The following TPST1 variants were observed in gnomAD, a reference collection of about 807,000 sequenced individuals.
TPST1 encodes tyrosylprotein sulfotransferase 1, also known as protein-tyrosine sulfotransferase 1.
Under a neutral mutation model 34.8 loss-of-function variants are expected in TPST1, and 20 were observed. The ratio of observed to expected loss-of-function variants is 0.57; its 90% CI spans 0.40 to 0.84. TPST1 has a LOEUF of 0.84. TPST1 is among the 40% of genes least tolerant of loss of function. The probability of loss-of-function intolerance (pLI) is 0.00; values close to 1 mark genes in which losing one functional copy is unlikely to be tolerated. For missense variants in TPST1, 353 were observed against 455.5 expected, an observed-to-expected ratio of 0.78 and a Z score of 2.05; for synonymous variants, 152 against 159.4, an observed-to-expected ratio of 0.95 and a Z score of 0.35.
At chr7:66,231,843 C>A (rs1789803251) in intron 1 of TPST1, among the ~76,000 whole-genome samples, 1 of 152,252 alleles carries the variant, frequency 6.6e-6, no homozygotes. Context: ...GGAGCCCAGG[C>A]AGAGGAGGCG....
chr7:66,222,506 T>C (rs1789565424), intron 1 of TPST1, among the ~76,000 whole-genome samples: 1 of 152,136 alleles, frequency 6.6e-6, no homozygotes, highest in African/African-American at 2.4e-5. Flanking sequence ...TCTAGTGAGG[T>C]AAACTAACCA....
intron 3 of TPST1, among the ~76,000 whole-genome samples, chr7:66,308,029 AACCATCTGCTGCTG>A (rs1262251097): frequency 6.6e-6 from 1 of 152,216 alleles, no homozygotes; most frequent in Non-Finnish European, 1.5e-5. Context: ...TTTCCAGTCA[AACCATCTGCTGCTG>A]ACCACAAATC....
At chr7:66,214,662 T>A (rs979924776) in intron 1 of TPST1, among the ~76,000 whole-genome samples, 12 of 150,370 alleles carry the variant, frequency 8.0e-5, no homozygotes, top group Non-Finnish European at 1.8e-4. Context: ...TAAAAAAATA[T>A]GAAAATTAGC....
At chr7:66,335,448 G>A (rs113778939) in intron 3 of TPST1, among the ~76,000 whole-genome samples, 47 of 150,534 alleles carry the variant, frequency 3.1e-4, no homozygotes, top group African/African-American at 1.1e-3. Flanking sequence ...GAGCAAAACT[G>A]TGTCTCAAAA....
intron 2 of TPST1, among the ~76,000 whole-genome samples, chr7:66,280,471 A>T (rs2115885962): frequency 6.6e-6 from 1 of 152,342 alleles, no homozygotes; most frequent in African/African-American, 2.4e-5. Flanking sequence ...ATGATTTTGT[A>T]TCCTGAAACT....
chr7:66,334,036 G>A (rs1410802916), intron 3 of TPST1, among the ~76,000 whole-genome samples: 1 of 152,174 alleles, frequency 6.6e-6, no homozygotes, highest in African/African-American at 2.4e-5. Flanking sequence ...AAAGCAAAGG[G>A]ACAAGAAGCA....
chr7:66,335,369 C>T (rs1334088453), intron 3 of TPST1, among the ~76,000 whole-genome samples: 2 of 151,594 alleles, frequency 1.3e-5, no homozygotes, highest in Admixed American at 6.6e-5. Context: ...AGCAAAGAGT[C>T]GCTTGAGCCT....
At chr7:66,339,886 A>T (rs896650852) in intron 3 of TPST1, among the ~76,000 whole-genome samples, 16 of 151,654 alleles carry the variant, frequency 1.1e-4, no homozygotes, top group Non-Finnish European at 1.5e-4. Flanking sequence ...CGAGGGATGC[A>T]AGGATGATTC....
chr7:66,355,868 G>A (rs1297740458), intron 4 of TPST1, among the ~76,000 whole-genome samples: 1 of 140,922 alleles, frequency 7.1e-6, no homozygotes, highest in Non-Finnish European at 1.5e-5. Context: ...TTGCGCCACT[G>A]CATTCCAACC....
At chr7:66,237,500 A>G (rs1361365277) in intron 1 of TPST1, among the ~76,000 whole-genome samples, 1 of 152,092 alleles carries the variant, frequency 6.6e-6, no homozygotes, top group Non-Finnish European at 1.5e-5. Flanking sequence ...CCCTCTCAGA[A>G]TGTATTTTTT....
At chr7:66,216,056 G>A (rs753907835) in intron 1 of TPST1, among the ~76,000 whole-genome samples, 5 of 152,142 alleles carry the variant, frequency 3.3e-5, no homozygotes, top group Non-Finnish European at 5.9e-5. Context: ...GAGCCACCGC[G>A]CCCGGCCAAT....
chr7:66,356,450 A>T (rs1483280914), intron 4 of TPST1, among the ~76,000 whole-genome samples: 2 of 152,114 alleles, frequency 1.3e-5, no homozygotes. Flanking sequence ...ATGTGTTAGA[A>T]CTCAATCTCC....
chr7:66,302,094 T>C (rs1362176388), intron 3 of TPST1, among the ~76,000 whole-genome samples: 1 of 152,244 alleles, frequency 6.6e-6, no homozygotes, highest in African/African-American at 2.4e-5. Context: ...GTAATACTTT[T>C]TGTTTTATTT....
At chr7:66,306,815 C>G (rs1008079181) in intron 3 of TPST1, among the ~76,000 whole-genome samples, 1 of 152,118 alleles carries the variant, frequency 6.6e-6, no homozygotes, top group Non-Finnish European at 1.5e-5. Flanking sequence ...CGGGTTGAAG[C>G]GACTCTTTTG....
intron 3 of TPST1, among the ~76,000 whole-genome samples, chr7:66,296,504 A>G (rs1160600186): frequency 6.6e-6 from 1 of 152,062 alleles, no homozygotes. Flanking sequence ...GTTTTTGTAA[A>G]GCAGTGCTTG....
chr7:66,275,226 A>G (rs940456486), intron 2 of TPST1, among the ~76,000 whole-genome samples: 55 of 152,206 alleles, frequency 3.6e-4, no homozygotes, highest in African/African-American at 1.2e-3. Flanking sequence ...AAAAAAGATA[A>G]CAAGTGTTGG....
chr7:66,354,562 C>T (rs969936591), intron 4 of TPST1, among the ~76,000 whole-genome samples: 3 of 146,156 alleles, frequency 2.1e-5, no homozygotes, highest in South Asian at 2.1e-4. Context: ...TTCCAAAAGC[C>T]GGTTTGCATA....
chr7:66,298,716 G>A (rs752336047), intron 3 of TPST1, among the ~76,000 whole-genome samples: 1 of 151,420 alleles, frequency 6.6e-6, no homozygotes, highest in Non-Finnish European at 1.5e-5. Context: ...ATCTTTTTTG[G>A]TATTCCATTT....
intron 2 of TPST1, among the ~76,000 whole-genome samples, chr7:66,242,968 C>T (rs925529031): frequency 6.6e-6 from 1 of 152,234 alleles, no homozygotes; most frequent in Middle Eastern, 3.4e-3. Context: ...ATTAACATGT[C>T]ACAATCATGA....
Sources: gnomAD v4.1 joint callset for allele counts (sites outside exome capture counted in the v4.1 genomes callset) on GRCh38, gnomAD v4.1.1 for gene constraint, MANE v1.5 for transcripts, NCBI Gene and HGNC (gene_info 2026-07-23, HGNC 2026-07-21) for gene names.